The following NTRK3 variants were observed in gnomAD, a reference collection of about 807,000 sequenced individuals.
NTRK3 encodes the protein NT-3 growth factor receptor.
Under a neutral mutation model 91.7 loss-of-function variants are expected in NTRK3, and 24 were observed. That is an observed-to-expected ratio of 0.26 (90% confidence interval 0.19 to 0.37). The LOEUF is 0.37. Ranked by LOEUF, NTRK3 falls within the 10% of genes least tolerant of loss-of-function variation. NTRK3 has a pLI of 1.00. For synonymous variants in NTRK3, 483 were observed against 404.0 expected, an observed-to-expected ratio of 1.20 and a Z score of -2.34; for missense variants, 880 against 1,068.9, an observed-to-expected ratio of 0.82 and a Z score of 2.46.
intron 14 of NTRK3, among the ~76,000 whole-genome samples, chr15:87,947,136 C>T (rs914182782): frequency 6.6e-6 from 1 of 152,116 alleles, no homozygotes; most frequent in Non-Finnish European, 1.5e-5. Flanking sequence ...GCCTCAGCCT[C>T]CCAAAGTGCT....
chr15:87,989,807 A>C (rs1261698376), intron 14 of NTRK3, among the ~76,000 whole-genome samples: 1 of 152,054 alleles, frequency 6.6e-6, no homozygotes, highest in Non-Finnish European at 1.5e-5. Context: ...TGGTTTCACC[A>C]TGTTGGCCAG....
intron 11 of NTRK3, among the ~76,000 whole-genome samples, chr15:88,127,924 A>G (rs1224148670): frequency 6.6e-6 from 1 of 152,196 alleles, no homozygotes; most frequent in Non-Finnish European, 1.5e-5. Context: ...AATGGCCCCA[A>G]TTCAGAATTC....
intron 17 of NTRK3, chr15:87,916,525 T>C (rs988648495): frequency 2.9e-6 from 2 of 701,434 alleles, no homozygotes; most frequent in East Asian, 2.7e-5. Flanking sequence ...CTTCCCCGTC[T>C]TTTTTCCCCA....
chr15:87,942,363 C>T (rs1354850791), intron 14 of NTRK3, among the ~76,000 whole-genome samples: 1 of 152,234 alleles, frequency 6.6e-6, no homozygotes, highest in Non-Finnish European at 1.5e-5. Flanking sequence ...CCCTTCTTCA[C>T]ACTTTCTGTC....
intron 3 of NTRK3, among the ~76,000 whole-genome samples, chr15:88,208,062 C>CAAT (rs1567649114): frequency 6.6e-6 from 1 of 152,164 alleles, no homozygotes; most frequent in African/African-American, 2.4e-5. Flanking sequence ...GGATCTGTTG[C>CAAT]AGTCCTCTAG....
At chr15:88,012,369 T>C (rs975678431) in intron 14 of NTRK3, among the ~76,000 whole-genome samples, 16 of 152,156 alleles carry the variant, frequency 1.1e-4, no homozygotes, top group African/African-American at 3.6e-4. Flanking sequence ...GCTGGCAACA[T>C]TCCCCCAGCC....
chr15:88,185,557 C>T (rs1044747445), intron 3 of NTRK3, among the ~76,000 whole-genome samples: 7 of 152,310 alleles, frequency 4.6e-5, no homozygotes, highest in Admixed American at 1.3e-4. Context: ...CAAAGGATCT[C>T]GGGAAAAGGC....
Position 88,233,239 on chromosome 15 carries a change from C to G in NTRK3, c.248+22667G>C, listed in dbSNP as rs2051368786. Reference sequence around the variant, plus strand: ...ACATTGCCAATAAATAACCCCCCCGCCCCCAGTGTAATCTCTCAGTATCCA... The same window carrying G: ...ACATTGCCAATAAATAACCCCCCCGGCCCCAGTGTAATCTCTCAGTATCCA... On this transcript the variant is annotated intron_variant, in intron 3 of 18. Coordinates refer to ENST00000394480, the Ensembl canonical transcript of NTRK3. The surrounding 1 kb of genome is among the most constrained non-coding windows in gnomAD (Gnocchi z 4.2). Among the ~76,000 whole-genome samples, 1 of 152,104 alleles carries G rather than the reference C, an allele frequency of 6.6e-6. No homozygotes were observed. Among genetic ancestry groups the G allele is most frequent in the Non-Finnish European group, 1.5e-5 (1 of 68,020 alleles).
At chr15:88,253,588 A>G (rs74027930) in intron 3 of NTRK3, 28,049 of 152,288 alleles carry the variant, frequency 0.18, 3,711 homozygotes, top group African/African-American at 0.37. Context: ...GCACTGGGGA[A>G]AAGATGGGGC....
At chr15:88,003,826 A>ATT (rs35312227) in intron 14 of NTRK3, among the ~76,000 whole-genome samples, 2,586 of 136,380 alleles carry the variant, frequency 0.019, 30 homozygotes, top group Non-Finnish European at 0.026. Context: ...ATATATTTGG[A>ATT]TTTTTTTTTT....
chr15:88,036,547 G>T (rs2079087571), intron 13 of NTRK3, among the ~76,000 whole-genome samples: 1 of 152,182 alleles, frequency 6.6e-6, no homozygotes, highest in Non-Finnish European at 1.5e-5. Context: ...AAACAAGGGG[G>T]CAAGCAAGGA....
At chr15:87,952,437 G>C (rs2071219224) in intron 14 of NTRK3, among the ~76,000 whole-genome samples, 1 of 152,140 alleles carries the variant, frequency 6.6e-6, no homozygotes, top group African/African-American at 2.4e-5. Context: ...CCCCATTGGG[G>C]CTTCCTGTCT....
chr15:88,238,502 A>G (rs2052017785), intron 3 of NTRK3, among the ~76,000 whole-genome samples: 2 of 152,184 alleles, frequency 1.3e-5, no homozygotes, highest in South Asian at 2.1e-4. Context: ...AGCCCTGTAC[A>G]TACCCTTCTT....
intron 17 of NTRK3, among the ~76,000 whole-genome samples, chr15:87,910,639 C>G (rs1450578484): frequency 6.6e-6 from 1 of 152,074 alleles, no homozygotes; most frequent in Non-Finnish European, 1.5e-5. Context: ...CATGTGAGTG[C>G]ATGAGGTTTG....
intron 17 of NTRK3, among the ~76,000 whole-genome samples, chr15:87,918,986 C>G (rs1247152924): frequency 6.6e-6 from 1 of 152,134 alleles, no homozygotes; most frequent in Non-Finnish European, 1.5e-5. Context: ...GGAAAAAAAG[C>G]AGTAAAGCCA....
At chr15:88,083,140 G>C (rs1170111633) in intron 13 of NTRK3, among the ~76,000 whole-genome samples, 2 of 152,142 alleles carry the variant, frequency 1.3e-5, no homozygotes, top group African/African-American at 4.8e-5. Context: ...GTATCACAGA[G>C]ATCTGCAACA....
intron 14 of NTRK3, among the ~76,000 whole-genome samples, 200 bp downstream of exon 14, chr15:88,032,657 C>A (rs1212252861): frequency 6.6e-6 from 1 of 152,094 alleles, no homozygotes; most frequent in Non-Finnish European, 1.5e-5. Context: ...ACAGGACCCC[C>A]TTCGCAGAGG....
chr15:88,084,628 C>A (rs1268770943), intron 13 of NTRK3, among the ~76,000 whole-genome samples: 2 of 152,214 alleles, frequency 1.3e-5, no homozygotes, highest in Non-Finnish European at 2.9e-5. Context: ...ACTGCTCCAG[C>A]CTCACGTCTC....
chr15:87,947,278 G>C (rs1490076572), intron 14 of NTRK3, among the ~76,000 whole-genome samples: 2 of 152,132 alleles, frequency 1.3e-5, no homozygotes, highest in Non-Finnish European at 2.9e-5. Flanking sequence ...TCCCCTAGCT[G>C]TTAGAGGTGT....
Sources: allele counts gnomAD v4.1 joint callset (sites outside exome capture counted in the v4.1 genomes callset), GRCh38; gene constraint gnomAD v4.1.1; non-coding constraint Gnocchi (gnomAD v3.1); transcripts MANE v1.5; gene names NCBI Gene and HGNC (gene_info 2026-07-23, HGNC 2026-07-21).